The following GLUL variants were observed in gnomAD, a reference collection of about 807,000 sequenced individuals.
The protein encoded by GLUL is glutamate-ammonia ligase, also known as glutamine synthetase.
Under a neutral mutation model 36.9 loss-of-function variants are expected in GLUL, and 8 were observed. The observed-to-expected ratio is 0.22, with a 90% CI of 0.13 to 0.39. The LOEUF (loss-of-function observed/expected upper bound fraction) is 0.39. Among genes scored for constraint, GLUL ranks in the 10% least tolerant of loss-of-function variants. The probability of loss-of-function intolerance (pLI) is 1.00; values close to 1 mark genes in which losing one functional copy is unlikely to be tolerated. For synonymous variants in GLUL, 182 were observed against 172.8 expected, an observed-to-expected ratio of 1.05 and a Z score of -0.42; for missense variants, 315 against 501.8, an observed-to-expected ratio of 0.63 and a Z score of 3.56.
In GLUL at chr1:182,380,395, T is replaced by C. The variant is rs1649886266; in HGVS notation, c.*4010A>G. ...CAATCACAATTCACTGCAGCTTCAA[T>C]TTCCTGGGCTCAAGTCATCCTCCCA... On this transcript the variant is annotated 3_prime_UTR_variant, in exon 7 of 7. Transcript: ENST00000331872. 1.3e-5 allele frequency among the ~76,000 whole-genome samples: 2 copies of C among 152,192 alleles called. No individual in the cohort carries two copies. Among genetic ancestry groups the C allele is most frequent in the Admixed American group, 1.3e-4 (2 of 15,282 alleles).
Position 182,390,881 on chromosome 1 carries a change from T to A in GLUL, c.-14+798A>T, listed in dbSNP as rs575294631. On this transcript the variant is annotated intron_variant, in intron 1 of 6. Coordinates refer to ENST00000331872, the MANE Select transcript of GLUL (RefSeq NM_001033044.4). The stretch of plus-strand genomic sequence containing the variant: ...CCCGCCCCCGAGGGAGTTATAATTA[T>A]CCACTTTGAGAGCAGCCCCTTCCCA... 9 of 398,980 alleles carry A rather than the reference T, an allele frequency of 2.3e-5. No homozygotes were observed. In the East Asian group the frequency reaches 2.5e-4, roughly 11 times the overall value. The allele number at this position is 398,980 out of a possible 1,614,324, so 24.7% of individuals were successfully genotyped here.
Position 182,382,150 on chromosome 1 carries a change from G to A in GLUL, c.*2255C>T, listed in dbSNP as rs1476447660. 2 of 152,142 alleles carry A rather than the reference G, an allele frequency of 1.3e-5. No homozygotes were observed. Among genetic ancestry groups the A allele is most frequent in the Non-Finnish European group, 2.9e-5 (2 of 68,040 alleles). The allele number at this position is 152,142 out of a possible 1,614,324, so 9.4% of individuals were successfully genotyped here. ...ATCACTATTGCCCACATTATTAGTA[G>A]TATTAATGCTATTAATAATATTGCA... On this transcript the variant is annotated 3_prime_UTR_variant, in exon 7 of 7. Coordinates refer to ENST00000331872, the MANE Select transcript of GLUL (RefSeq NM_001033044.4).
intron 2 of GLUL, 138 bp downstream of exon 2, chr1:182,388,434 A>G (rs2101936264): frequency 1.3e-6 from 1 of 759,812 alleles, no homozygotes; most frequent in South Asian, 1.5e-5. Flanking sequence ...TTGACTGAAT[A>G]AAGTCTGAAA....
chr1:182,386,462 G>A (rs1309767709), intron 3 of GLUL, 60 bp from the exon 4 acceptor site: 9 of 1,204,738 alleles, frequency 7.5e-6, no homozygotes, highest in South Asian at 6.0e-5. Context: ...GCTGAATACC[G>A]ATGCTGATGG....
intron 6 of GLUL, 41 bp from the exon 7 acceptor site, chr1:182,384,764 A>G (rs1431424970): frequency 1.3e-6 from 2 of 1,488,532 alleles, no homozygotes; most frequent in African/African-American, 2.8e-5. Flanking sequence ...CCTTGTCTCC[A>G]GGTATGGAGC....
chr1:182,390,561 G>A (rs1571412287), intron 1 of GLUL: 2 of 399,022 alleles, frequency 5.0e-6, no homozygotes, highest in East Asian at 7.1e-5. Flanking sequence ...TTTTTGGAGT[G>A]GCGTTCGCGC....
At chr1:182,388,846 G>A (rs1166537098) in intron 1 of GLUL, 96 bp from the exon 2 acceptor site, 3 of 914,078 alleles carry the variant, frequency 3.3e-6, no homozygotes, top group Admixed American at 1.8e-5. Context: ...AAAAGTCAGA[G>A]TGTAAGTGCC....
intron 4 of GLUL, 63 bp from the exon 5 acceptor site, chr1:182,385,950 A>G: frequency 2.0e-6 from 3 of 1,525,630 alleles, no homozygotes; most frequent in Non-Finnish European, 2.7e-6. Context: ...AAAGTCAGAG[A>G]TCAGAAGGCC....
In GLUL at chr1:182,381,437, T is replaced by C. The variant is rs1649923578; in HGVS notation, c.*2968A>G. Among the ~76,000 whole-genome samples the C allele has an allele frequency of 6.6e-6, 1 of 152,168 alleles. No homozygotes were observed. Among genetic ancestry groups the C allele is most frequent in the Admixed American group, 6.6e-5 (1 of 15,264 alleles). On this transcript the variant is annotated 3_prime_UTR_variant, in exon 7 of 7. Coordinates refer to ENST00000331872, the MANE Select transcript of GLUL (RefSeq NM_001033044.4). ...TAAATACTGGCCTGACTCCTTAAGG[T>C]TGAAAGCTTGGTCATTATTCTGTTT...
intron 4 of GLUL, 137 bp from the exon 5 acceptor site, chr1:182,386,024 G>T (rs1453216940): frequency 4.2e-6 from 4 of 955,910 alleles, no homozygotes; most frequent in Non-Finnish European, 6.8e-6. Flanking sequence ...GCAGGGGAGG[G>T]GCAATAGGGG....
rs1248311923 is a variant in GLUL, at chr1:182,378,365, A to C, written c.*6040T>G. Among the ~76,000 whole-genome samples, 2 of 152,224 alleles carry C rather than the reference A, an allele frequency of 1.3e-5. No individual in the cohort carries two copies. Among genetic ancestry groups the C allele is most frequent in the African/African-American group, 4.8e-5 (2 of 41,460 alleles). On this transcript the variant is annotated 3_prime_UTR_variant, in exon 7 of 7. Coordinates refer to ENST00000331872, the MANE Select transcript of GLUL (RefSeq NM_001033044.4). ...TGTGGACACTCCCTCTGTAACATGC[A>C]CTAGGATATCACTCTCCTATATTAG... is the stretch of plus-strand genomic sequence containing the variant.
chr1:182,390,248 A>C, intron 1 of GLUL: 1 of 343,092 alleles, frequency 2.9e-6, no homozygotes. Context: ...AAAACCTACA[A>C]CCCAATTTCT....
rs1273573872 is a variant in GLUL at position 182,382,155 on chromosome 1, A to C, written c.*2250T>G. 3.3e-5 allele frequency: 5 copies of C among 152,216 alleles called. No homozygotes were observed. The highest frequency in any genetic ancestry group is 7.3e-5 in the Non-Finnish European group (5 of 68,046). 9.4% of individuals were successfully genotyped at this position (152,216 alleles called of 1,614,324 possible). ...TATTGCCCACATTATTAGTAGTATT[A>C]ATGCTATTAATAATATTGCACTCCA... On this transcript the variant is annotated 3_prime_UTR_variant, in exon 7 of 7. Coordinates refer to ENST00000331872, the MANE Select transcript of GLUL (RefSeq NM_001033044.4).
At position 182,383,303 on chromosome 1, in the gene GLUL, A is replaced by T. The variant is rs1650018053; in HGVS notation, c.*1102T>A. ...CTAAACTTCTATAATTTTGCTTTTT[A>T]AAAAATTTAATATCAAAAGGCCTGC... On this transcript the variant is annotated 3_prime_UTR_variant, in exon 7 of 7. Coordinates refer to ENST00000331872, the MANE Select transcript of GLUL (RefSeq NM_001033044.4). 1 of 152,206 alleles carries T rather than the reference A, an allele frequency of 6.6e-6. No homozygotes were observed. The highest frequency in any genetic ancestry group is 2.1e-4 in the South Asian group (1 of 4,836). The allele number at this position is 152,206 out of a possible 1,614,324, so 9.4% of individuals were successfully genotyped here.
In GLUL at chr1:182,388,563, C is replaced by T; in HGVS notation, c.166+9G>A. On this transcript the variant is annotated intron_variant, in intron 2 of 6. Coordinates refer to ENST00000331872, the MANE Select transcript of GLUL (RefSeq NM_001033044.4). ...CCAGCATGTGCTCCACTCCACATTGCTGTCTCACCTTCCACACACTTGGGC... is the reference window on the plus strand; with the variant it reads ...CCAGCATGTGCTCCACTCCACATTGTTGTCTCACCTTCCACACACTTGGGC... 1 of 1,613,220 alleles carries T rather than the reference C, an allele frequency of 6.2e-7. No homozygotes were observed. The highest frequency in any genetic ancestry group is 8.5e-7 in the Non-Finnish European group (1 of 1,179,222).
rs1650000217 is a variant in GLUL, at chr1:182,382,934, T to TTG, written c.*1470_*1471insCA. 1 of 152,184 alleles carries TTG rather than the reference T, an allele frequency of 6.6e-6. No individual in the cohort carries two copies. The highest frequency in any genetic ancestry group is 1.5e-5 in the Non-Finnish European group (1 of 68,034). The allele number at this position is 152,184 out of a possible 1,614,324, so 9.4% of individuals were successfully genotyped here. On this transcript the variant is annotated 3_prime_UTR_variant, in exon 7 of 7. Transcript: ENST00000331872. Reference sequence around the variant, plus strand: ...ATTTATAAGTGCTGCTTTGGGCAGTTACACAGTTTGTTTACAATGAGGAGT... The same window carrying TTG: ...ATTTATAAGTGCTGCTTTGGGCAGTTTGACACAGTTTGTTTACAATGAGGAGT...
Position 182,381,336 on chromosome 1 carries a change from T to C in GLUL, c.*3069A>G, listed in dbSNP as rs1200390214. On this transcript the variant is annotated 3_prime_UTR_variant, in exon 7 of 7. Transcript: ENST00000331872. ...TTCAAATTCCCTATAGCTTGTGCTA[T>C]CAGTTGTTATTTAGTACCTGGCAAG... 1.3e-5 allele frequency among the ~76,000 whole-genome samples: 2 copies of C among 152,214 alleles called. No homozygotes were observed. Among genetic ancestry groups the C allele is most frequent in the Non-Finnish European group, 1.5e-5 (1 of 68,032 alleles).
Position 182,379,758 on chromosome 1 carries a change from A to T in GLUL, c.*4647T>A, listed in dbSNP as rs1001905585. Among the ~76,000 whole-genome samples, 3 of 151,288 alleles carry T rather than the reference A, an allele frequency of 2.0e-5. No homozygotes were observed. The highest frequency in any genetic ancestry group is 4.4e-5 in the Non-Finnish European group (3 of 67,922). On this transcript the variant is annotated 3_prime_UTR_variant, in exon 7 of 7. Transcript: ENST00000331872. ...GTCATGTTGCCCAGGCTAGTCTCGA[A>T]CTTCTGAGCTCAAGTGATCTACCTG...
In GLUL at chr1:182,382,773, A is replaced by G. The variant is rs976041621; in HGVS notation, c.*1632T>C. 7.2e-5 allele frequency: 11 copies of G among 152,318 alleles called. No individual in the cohort carries two copies. Among genetic ancestry groups the G allele is most frequent in the Middle Eastern group, 3.4e-3 (1 of 294 alleles). 9.4% of individuals were successfully genotyped at this position (152,318 alleles called of 1,614,324 possible). A position where few individuals can be genotyped will look rare whatever the true frequency, so the allele number is the denominator to read the frequency against. ...GTACAGGAAACGGCTGGTCAGCAAC[A>G]TCACTCCAGTGTTTTAAAAACTCAG... On this transcript the variant is annotated 3_prime_UTR_variant, in exon 7 of 7. Transcript: ENST00000331872.
Sources: gnomAD v4.1 joint callset for allele counts (sites outside exome capture counted in the v4.1 genomes callset) on GRCh38, gnomAD v4.1.1 for gene constraint, MANE v1.5 for transcripts, NCBI Gene and HGNC (gene_info 2026-07-23, HGNC 2026-07-21) for gene names.